BFAR: variants seen among roughly 807,000 people sequenced by gnomAD.
BFAR encodes RING finger protein 47.
A neutral mutation model predicts 54.4 loss-of-function variants in BFAR; 52 were observed. That is an observed-to-expected ratio of 0.96 (90% confidence interval 0.77 to 1.21). BFAR has a LOEUF of 1.21. Among genes scored for constraint, BFAR ranks in the 50% most tolerant of loss-of-function variants. The probability of loss-of-function intolerance (pLI) is 0.00; values close to 1 mark genes in which losing one functional copy is unlikely to be tolerated. For synonymous variants in BFAR, 215 were observed against 204.3 expected (o/e 1.05, Z -0.45); for missense variants, 571 against 534.0 (o/e 1.07, Z -0.68).
chr16:14,633,413 T>A (rs1959325996), intron 1 of BFAR: 1 of 152,496 alleles, frequency 6.6e-6, no homozygotes, highest in Admixed American at 6.5e-5. Context: ...TGCCACACCC[T>A]GCAACAGCCG....
chr16:14,646,652 C>T (rs910866181), intron 2 of BFAR, among the ~76,000 whole-genome samples: 1 of 151,912 alleles, frequency 6.6e-6, no homozygotes, highest in Non-Finnish European at 1.5e-5. Context: ...GCATGTGCCA[C>T]CATGCCTGGC....
chr16:14,659,846 C>T (rs920727718), intron 5 of BFAR, among the ~76,000 whole-genome samples: 11 of 152,124 alleles, frequency 7.2e-5, no homozygotes, highest in Admixed American at 3.3e-4. Flanking sequence ...CCACCACGCC[C>T]GGTCTCTATA....
chr16:14,648,987 G>A (rs1567488819), intron 3 of BFAR, among the ~76,000 whole-genome samples: 1 of 150,820 alleles, frequency 6.6e-6, no homozygotes, highest in Admixed American at 6.6e-5. Flanking sequence ...TGGTGATGAT[G>A]ACACATATTT....
rs947594722 is a variant in BFAR, at chr16:14,668,131, C to G, written c.*304C>G. 1 of 392,894 alleles carries G rather than the reference C, an allele frequency of 2.5e-6. No homozygotes were observed. The highest frequency in any genetic ancestry group is 4.6e-6 in the Non-Finnish European group (1 of 216,914). 24.3% of individuals were successfully genotyped at this position (392,894 alleles called of 1,614,324 possible). A position where few individuals can be genotyped will look rare whatever the true frequency, so the allele number is the denominator to read the frequency against. ...CCCAACGGCTGGCAAGACTCAGGGTCCTCAGTGGACATGGTGTGGGTGACA... is the reference window on the plus strand; with the variant it reads ...CCCAACGGCTGGCAAGACTCAGGGTGCTCAGTGGACATGGTGTGGGTGACA... On this transcript the variant is annotated 3_prime_UTR_variant, in exon 8 of 8. Coordinates refer to ENST00000261658, the MANE Select transcript of BFAR (RefSeq NM_016561.3).
Position 14,665,034 on chromosome 16 carries a change from T to C in BFAR, c.1123T>C (p.Phe375Leu), listed in dbSNP as rs184305004. ...NAMLLSVLEL[F>L]SFWRIWSRSE... ...TATGTTACTCTCAGTTCTGGAATTA[T>C]TCTCCTTTTGGAGAATCTGGTCGAG... The change falls in exon 7 of 8, where the codon TTC becomes CTC. Residue 375 changes from phenylalanine to leucine, a missense_variant. Coordinates refer to ENST00000261658, the MANE Select transcript of BFAR (RefSeq NM_016561.3). 3 of 1,614,134 alleles carry C rather than the reference T, an allele frequency of 1.9e-6. No individual in the cohort carries two copies. Among genetic ancestry groups the C allele is most frequent in the East Asian group, 2.2e-5 (1 of 44,884 alleles).
rs945109421 is a variant in BFAR at position 14,668,880 on chromosome 16, CGTTTT to C, written c.*1057_*1061del. 6 of 165,486 alleles carry C rather than the reference CGTTTT, an allele frequency of 3.6e-5. No individual in the cohort carries two copies. Among genetic ancestry groups the C allele is most frequent in the African/African-American group, 1.4e-4 (6 of 41,408 alleles). The allele number at this position is 165,486 out of a possible 1,614,324, so 10.3% of individuals were successfully genotyped here. A position where few individuals can be genotyped will look rare whatever the true frequency, so the allele number is the denominator to read the frequency against. ...TCTGTAAAATAAATTCCGGGATAGTCGTTTTGTTCAAGGAAATGTTTTGTAAATTG... is the reference window on the plus strand; with the variant it reads ...TCTGTAAAATAAATTCCGGGATAGTCGTTCAAGGAAATGTTTTGTAAATTG... On this transcript the variant is annotated 3_prime_UTR_variant, in exon 8 of 8. Coordinates refer to ENST00000261658, the MANE Select transcript of BFAR (RefSeq NM_016561.3).
intron 4 of BFAR, chr16:14,650,459 T>A (rs1959937235): frequency 6.6e-6 from 1 of 152,340 alleles, no homozygotes; most frequent in Non-Finnish European, 1.5e-5. Flanking sequence ...TTCATCACCC[T>A]AAAAGAAAGC....
chr16:14,636,812 C>T (rs558679718), intron 1 of BFAR, among the ~76,000 whole-genome samples: 5 of 152,322 alleles, frequency 3.3e-5, no homozygotes, highest in African/African-American at 1.2e-4. Flanking sequence ...TGCGGGCTTC[C>T]GCAGTGTTTG....
chr16:14,637,061 C>T (rs1959469656), intron 1 of BFAR, among the ~76,000 whole-genome samples: 1 of 152,202 alleles, frequency 6.6e-6, no homozygotes, highest in Non-Finnish European at 1.5e-5. Flanking sequence ...CTATCTCTTT[C>T]TATACAGACA....
chr16:14,661,323 T>C lies in BFAR; in HGVS notation c.784-569T>C, dbSNP rs181567785. 9.9e-5 allele frequency among the ~76,000 whole-genome samples: 15 copies of C among 151,460 alleles called. No homozygotes were observed. In the East Asian group the frequency reaches 2.7e-3, roughly 28 times the overall value. On this transcript the variant is annotated intron_variant, in intron 5 of 7. Coordinates refer to ENST00000261658, the MANE Select transcript of BFAR (RefSeq NM_016561.3). ...TTTCAAAATAGCTTTTTAAAAAGGC[T>C]ATATTCTGCAAGCAGGGTGCAAGAG...
chr16:14,648,760 G>A (rs1449136738), intron 3 of BFAR, among the ~76,000 whole-genome samples, 168 bp downstream of exon 3: 1 of 152,110 alleles, frequency 6.6e-6, no homozygotes, highest in Non-Finnish European at 1.5e-5. Flanking sequence ...CCTCAGGAAT[G>A]TTGCTTACTC....
chr16:14,633,266 C>T (rs1359767960), intron 1 of BFAR: 1 of 152,350 alleles, frequency 6.6e-6, no homozygotes, highest in African/African-American at 2.4e-5. Context: ...CAGCCGGTCG[C>T]TGGGCCTCGC....
intron 1 of BFAR, among the ~76,000 whole-genome samples, chr16:14,641,241 A>G (rs1195990686): frequency 1.3e-5 from 2 of 152,148 alleles, no homozygotes; most frequent in Non-Finnish European, 2.9e-5. Context: ...CCTCCCCGCA[A>G]TCCTGCCCCT....
In BFAR at chr16:14,664,856, G is replaced by C. The variant is rs1407803996; in HGVS notation, c.958-13G>C. On this transcript the variant is annotated splice_polypyrimidine_tract_variant and intron_variant, in intron 6 of 7. Coordinates refer to ENST00000261658, the MANE Select transcript of BFAR (RefSeq NM_016561.3). ...TCCTCATGACTTTTTGCGTCTGTGTGTTATTTTTTAAGGATCTTAAGGAGC... is the reference window on the plus strand; with the variant it reads ...TCCTCATGACTTTTTGCGTCTGTGTCTTATTTTTTAAGGATCTTAAGGAGC... The C allele has an allele frequency of 6.2e-7, 1 of 1,609,584 alleles. No homozygotes were observed. The highest frequency in any genetic ancestry group is 1.7e-5 in the Admixed American group (1 of 59,952).
chr16:14,657,635 C>T (rs1368991050), intron 5 of BFAR, among the ~76,000 whole-genome samples: 1 of 152,036 alleles, frequency 6.6e-6, no homozygotes, highest in Non-Finnish European at 1.5e-5. Context: ...CTCTGCCTTC[C>T]AGGTTCAAGC....
At chr16:14,660,756 C>T (rs2151843643) in intron 5 of BFAR, among the ~76,000 whole-genome samples, 1 of 151,470 alleles carries the variant, frequency 6.6e-6, no homozygotes, top group East Asian at 2.0e-4. Flanking sequence ...CAAAAATTAG[C>T]CAGGCGTGGC....
chr16:14,645,791 T>C (rs1332298319), intron 2 of BFAR, among the ~76,000 whole-genome samples: 1 of 152,208 alleles, frequency 6.6e-6, no homozygotes, highest in African/African-American at 2.4e-5. Flanking sequence ...TGAATTTTGC[T>C]TTTTTCCCTT....
At chr16:14,657,954 C>G (rs1960175706) in intron 5 of BFAR, among the ~76,000 whole-genome samples, 1 of 152,136 alleles carries the variant, frequency 6.6e-6, no homozygotes, top group African/African-American at 2.4e-5. Flanking sequence ...AATTCCTGGT[C>G]AAGTAATCCT....
At chr16:14,638,539 C>G (rs1405393460) in intron 1 of BFAR, among the ~76,000 whole-genome samples, 2 of 152,174 alleles carry the variant, frequency 1.3e-5, no homozygotes, top group African/African-American at 4.8e-5. Context: ...TACTGCTGAA[C>G]CAAGTGGTTT....
Sources: allele counts gnomAD v4.1 joint callset (sites outside exome capture counted in the v4.1 genomes callset), GRCh38; gene constraint gnomAD v4.1.1; transcripts MANE v1.5; gene names NCBI Gene and HGNC (gene_info 2026-07-23, HGNC 2026-07-21).